EHBP1: variants seen among roughly 807,000 people sequenced by gnomAD.
EHBP1 encodes the protein EH domain-binding protein 1.
EHBP1 carries 55 observed loss-of-function variants against 144.0 expected under a neutral mutation model. The observed-to-expected ratio is 0.38, with a 90% CI of 0.31 to 0.48. EHBP1 has a LOEUF of 0.48. Among genes scored for constraint, EHBP1 ranks in the 20% least tolerant of loss-of-function variants. The probability of loss-of-function intolerance (pLI) is 0.98; values close to 1 mark genes in which losing one functional copy is unlikely to be tolerated. For missense variants in EHBP1, 1,200 were observed against 1,364.2 expected, an observed-to-expected ratio of 0.88 and a Z score of 1.90; for synonymous variants, 469 against 472.7, an observed-to-expected ratio of 0.99 and a Z score of 0.10.
intron 5 of EHBP1, among the ~76,000 whole-genome samples, chr2:62,800,776 A>G (rs1298430863): frequency 1.3e-5 from 2 of 152,234 alleles, no homozygotes; most frequent in Non-Finnish European, 1.5e-5. Flanking sequence ...ACACAAAACA[A>G]TGTATTACAA....
At chr2:62,776,282 G>A (rs768473729) in intron 5 of EHBP1, among the ~76,000 whole-genome samples, 5 of 152,144 alleles carry the variant, frequency 3.3e-5, no homozygotes, top group Non-Finnish European at 7.4e-5. Context: ...AAATTTTAGA[G>A]GTGGTTCTGC....
chr2:62,905,598 G>A (rs2053736916), intron 10 of EHBP1, among the ~76,000 whole-genome samples: 1 of 152,168 alleles, frequency 6.6e-6, no homozygotes, highest in Admixed American at 6.5e-5. Flanking sequence ...GCCAAGGCAG[G>A]TGGATCACTT....
chr2:62,722,867 G>C (rs2036371565), intron 2 of EHBP1, among the ~76,000 whole-genome samples: 1 of 152,210 alleles, frequency 6.6e-6, no homozygotes, highest in Non-Finnish European at 1.5e-5. Context: ...TGTGGTTCAA[G>C]AGAGCTGTTG....
At chr2:63,015,513 T>G (rs1389918601) in intron 19 of EHBP1, among the ~76,000 whole-genome samples, 1 of 152,068 alleles carries the variant, frequency 6.6e-6, no homozygotes, top group Non-Finnish European at 1.5e-5. Context: ...TGTGTTTGTT[T>G]GTTTGTTTGT....
rs373336085 is a variant in EHBP1 at position 63,005,034 on chromosome 2, C to T, written c.3103+8268C>T. 2.0e-4 allele frequency among the ~76,000 whole-genome samples: 30 copies of T among 152,200 alleles called. 1 individual carries two copies. Among genetic ancestry groups the T allele is most frequent in the African/African-American group, 6.7e-4 (28 of 41,556 alleles). ...TTTACCTACACTAATAATGAGTTGGCACAGAAAATGATCCAATTTCTGAAT... is the reference window on the plus strand; with the variant it reads ...TTTACCTACACTAATAATGAGTTGGTACAGAAAATGATCCAATTTCTGAAT... On this transcript the variant is annotated intron_variant, in intron 19 of 22. Transcript: ENST00000431489.
At position 62,940,206 on chromosome 2, in the gene EHBP1, G is replaced by A. The variant is rs946223929; in HGVS notation, c.1186-2512G>A. 1.8e-5 allele frequency: 6 copies of A among 326,178 alleles called. No individual in the cohort carries two copies. In the South Asian group the frequency reaches 1.9e-4, roughly 11 times the overall value. The allele number at this position is 326,178 out of a possible 1,614,324, so 20.2% of individuals were successfully genotyped here. Reference sequence around the variant, plus strand: ...CGCAAGCAGTTTATTGACTTGCACAGTCCTTCTGAGATTGTTAAATAGATT... The same window carrying A: ...CGCAAGCAGTTTATTGACTTGCACAATCCTTCTGAGATTGTTAAATAGATT... On this transcript the variant is annotated intron_variant, in intron 10 of 22. Coordinates refer to ENST00000431489, the MANE Select transcript of EHBP1 (RefSeq NM_001142616.3).
chr2:62,813,525 A>G (rs1254031249), intron 5 of EHBP1, among the ~76,000 whole-genome samples: 1 of 152,128 alleles, frequency 6.6e-6, no homozygotes, highest in Non-Finnish European at 1.5e-5. Context: ...GCCACCTGAG[A>G]TACGCCGAAA....
At chr2:62,912,342 A>G (rs909658249) in intron 10 of EHBP1, among the ~76,000 whole-genome samples, 4 of 152,122 alleles carry the variant, frequency 2.6e-5, no homozygotes, top group African/African-American at 4.8e-5. Context: ...ACTTGAGGTA[A>G]GGAGTTTGAG....
At chr2:62,697,079 C>A (rs913702402) in intron 1 of EHBP1, among the ~76,000 whole-genome samples, 1 of 152,068 alleles carries the variant, frequency 6.6e-6, no homozygotes, top group Non-Finnish European at 1.5e-5. Flanking sequence ...CATGTGAGCT[C>A]AAGGGAATAT....
At chr2:62,715,653 C>G (rs1041261569) in intron 2 of EHBP1, among the ~76,000 whole-genome samples, 1 of 152,092 alleles carries the variant, frequency 6.6e-6, no homozygotes, top group African/African-American at 2.4e-5. Flanking sequence ...ACCTGACTTC[C>G]TCTTATCTTG....
chr2:62,945,618 C>CA (rs1375121794), intron 12 of EHBP1, among the ~76,000 whole-genome samples: 1 of 152,096 alleles, frequency 6.6e-6, no homozygotes, highest in Non-Finnish European at 1.5e-5. Flanking sequence ...AGCATGGTGG[C>CA]ATGCACCTGT....
chr2:63,026,672 A>G (rs766813912), intron 19 of EHBP1, among the ~76,000 whole-genome samples: 6 of 152,178 alleles, frequency 3.9e-5, no homozygotes, highest in African/African-American at 7.2e-5. Flanking sequence ...CATTGCCTCA[A>G]TTGGAATCAC....
chr2:62,908,886 C>T (rs1241112622), intron 10 of EHBP1, among the ~76,000 whole-genome samples: 1 of 152,128 alleles, frequency 6.6e-6, no homozygotes, highest in African/African-American at 2.4e-5. Context: ...TGTTTTGCTT[C>T]ACCTCATATA....
intron 5 of EHBP1, among the ~76,000 whole-genome samples, chr2:62,792,008 T>C (rs1051834147): frequency 2.6e-5 from 4 of 152,060 alleles, no homozygotes; most frequent in African/African-American, 9.7e-5. Context: ...TGTTTCAGAA[T>C]TTCTGAATAC....
At chr2:62,833,246 TA>T (rs2046958392) in intron 7 of EHBP1, among the ~76,000 whole-genome samples, 1 of 152,200 alleles carries the variant, frequency 6.6e-6, no homozygotes, top group South Asian at 2.1e-4. Flanking sequence ...GGTTGGTTCA[TA>T]AGGTTTAAGG....
intron 10 of EHBP1, among the ~76,000 whole-genome samples, chr2:62,935,344 A>AAAATAT (rs1553479000): frequency 6.6e-4 from 80 of 121,474 alleles, no homozygotes; most frequent in Non-Finnish European, 1.1e-3. Flanking sequence ...AAAAAAAAAA[A>AAAATAT]ATATATATAT....
At position 63,027,583 on chromosome 2, in the gene EHBP1, T is replaced by C. The variant is rs184173437; in HGVS notation, c.3104-9952T>C. 4.3e-3 allele frequency among the ~76,000 whole-genome samples: 650 copies of C among 152,320 alleles called. 7 individuals are homozygous for C. The highest frequency in any genetic ancestry group is 3.2e-3 in the Non-Finnish European group (217 of 68,030). On this transcript the variant is annotated intron_variant, in intron 19 of 22. Coordinates refer to ENST00000431489, the MANE Select transcript of EHBP1 (RefSeq NM_001142616.3). The stretch of plus-strand genomic sequence containing the variant: ...CTACACTGTCCTGCTTTGCTTAGGC[T>C]TCTGTGGTTTGAGAACAAATGTGGG...
intron 9 of EHBP1, among the ~76,000 whole-genome samples, chr2:62,871,251 G>T (rs1354478762): frequency 6.6e-6 from 1 of 152,158 alleles, no homozygotes; most frequent in Admixed American, 6.5e-5. Context: ...AAATTAAAGA[G>T]ACATCTAATG....
intron 2 of EHBP1, among the ~76,000 whole-genome samples, chr2:62,731,101 T>C (rs187719400): frequency 5.3e-5 from 8 of 151,916 alleles, no homozygotes; most frequent in African/African-American, 1.4e-4. Flanking sequence ...GTAATTTTTT[T>C]CCCATAGATC....
Sources: allele counts gnomAD v4.1 joint callset (sites outside exome capture counted in the v4.1 genomes callset), GRCh38; gene constraint gnomAD v4.1.1; transcripts MANE v1.5; gene names NCBI Gene and HGNC (gene_info 2026-07-23, HGNC 2026-07-21).